ATP2B3: variants seen among roughly 807,000 people sequenced by gnomAD.
The protein encoded by ATP2B3 is ATPase plasma membrane Ca2+ transporting 3.
Under a neutral mutation model 70.8 loss-of-function variants are expected in ATP2B3, and 12 were observed. The observed-to-expected ratio is 0.17, with a 90% CI of 0.11 to 0.27. ATP2B3 has a LOEUF of 0.27. Ranked by LOEUF, ATP2B3 falls within the 10% of genes least tolerant of loss-of-function variation. ATP2B3 has a pLI of 1.00. For synonymous variants in ATP2B3, 460 were observed against 497.8 expected, an observed-to-expected ratio of 0.92 and a Z score of 1.01; for missense variants, 858 against 1,118.5, an observed-to-expected ratio of 0.77 and a Z score of 3.32.
In ATP2B3 at chrX:153,548,871, CA is replaced by C. The variant is rs2090411166; in HGVS notation, c.1338+18del. On this transcript the variant is annotated intron_variant, in intron 10 of 21. Transcript: ENST00000263519. ...TCTGTCAAGGTAATCATAAAACTTA[CA>C]GTTGATACTGTTTACAGACTCGGAA... The C allele has an allele frequency of 1.7e-6, 2 of 1,194,010 alleles. No homozygotes were observed. The highest frequency in any genetic ancestry group is 1.8e-5 in the African/African-American group (1 of 56,633).
At chrX:153,560,634 C>A (rs377506569) in intron 18 of ATP2B3, 42 bp from the exon 19 acceptor site, 19 of 1,186,177 alleles carry the variant, frequency 1.6e-5, no homozygotes, top group Non-Finnish European at 1.8e-5. Context: ...ATGCGTCATG[C>A]GCTGAGATGA....
intron 20 of ATP2B3, among the ~76,000 whole-genome samples, chrX:153,562,506 G>A (rs1343932877): frequency 8.9e-6 from 1 of 112,255 alleles, no homozygotes; most frequent in African/African-American, 3.2e-5. Flanking sequence ...GCCAAAAATT[G>A]CCCCTTCCAA....
Position 153,556,991 on chromosome X carries a change from G to A in ATP2B3, c.2401G>A (p.Ala801Thr). The A allele has an allele frequency of 8.4e-7, 1 of 1,191,606 alleles. No individual in the cohort carries two copies. Among genetic ancestry groups the A allele is most frequent in the South Asian group, 1.8e-5 (1 of 54,063 alleles). ...VTGDGTNDGPALKKADVGFAM... is the reference protein window; with the variant it reads ...VTGDGTNDGPTLKKADVGFAM... ...AGGGGATGGCACCAACGATGGGCCG[G>A]CCCTCAAGAAGGCGGACGTGGGCTT... is the stretch of plus-strand genomic sequence containing the variant. The change falls in exon 16 of 22, where the codon GCC becomes ACC. Residue 801 changes from alanine (A) to threonine (T), a missense_variant. Ala to Thr is a moderately conservative substitution (Grantham distance 58). Around this residue, in one of 5 missense-constraint regions of ATP2B3, gnomAD observed 50 missense variants for 106.7 expected, o/e 0.47. Transcript: ENST00000263519.
intron 21 of ATP2B3, among the ~76,000 whole-genome samples, chrX:153,567,665 T>C (rs1026866615): frequency 5.3e-5 from 6 of 112,186 alleles, no homozygotes; most frequent in Admixed American, 9.3e-5. Context: ...GTCCCATCGG[T>C]CAGAGTCTTA....
intron 3 of ATP2B3, among the ~76,000 whole-genome samples, chrX:153,537,733 C>T (rs945595044): frequency 1.8e-5 from 2 of 112,581 alleles, no homozygotes; most frequent in South Asian, 7.3e-4. Flanking sequence ...TGCCCAGCCC[C>T]CGAGGAGGCT....
At chrX:153,569,993 G>T in intron 21 of ATP2B3, 1 of 416,962 alleles carries the variant, frequency 2.4e-6, no homozygotes, top group Non-Finnish European at 4.1e-6. Flanking sequence ...TGCTTTGTTT[G>T]GTTTTTCGGT....
rs1019753151 is a variant in ATP2B3, at chrX:153,565,119, C to T, written c.3342+16C>T. The T allele has an allele frequency of 5.2e-6, 6 of 1,161,998 alleles. No individual in the cohort carries two copies. Among genetic ancestry groups the T allele is most frequent in the Non-Finnish European group, 6.9e-6 (6 of 870,610 alleles). On this transcript the variant is annotated intron_variant, in intron 21 of 21. Transcript: ENST00000263519. Reference sequence around the variant, plus strand: ...TCAGACGCAGGTAAGCCCCGACTCGCTCTCGCCCTGGCACTTCCACCCCAA... The same window carrying T: ...TCAGACGCAGGTAAGCCCCGACTCGTTCTCGCCCTGGCACTTCCACCCCAA...
chrX:153,567,743 A>T (rs2090730748), intron 21 of ATP2B3, among the ~76,000 whole-genome samples: 1 of 110,642 alleles, frequency 9.0e-6, no homozygotes, highest in South Asian at 3.8e-4. Context: ...TGTTTTGCGT[A>T]TGAGGAAACA....
At chrX:153,557,876 A>G (rs1557014446) in intron 16 of ATP2B3, among the ~76,000 whole-genome samples, 2 of 83,650 alleles carry the variant, frequency 2.4e-5, no homozygotes, top group African/African-American at 3.8e-5. Flanking sequence ...TGTGTTTATG[A>G]GCAAAGCCCC....
intron 13 of ATP2B3, among the ~76,000 whole-genome samples, chrX:153,554,095 C>T (rs1445993145): frequency 3.5e-5 from 4 of 113,845 alleles, no homozygotes; most frequent in Non-Finnish European, 7.5e-5. Context: ...AAAGACAGTG[C>T]GTCTAAACGC....
At position 153,553,272 on chromosome X, in the gene ATP2B3, A is replaced by ATTAT. The variant is rs1557012377; in HGVS notation, c.2058+3_2058+4insTTAT. Reference sequence around the variant, plus strand: ...TTGAGGACCCTGTGCGGCCCGAGGTAGCCACCACCTTCTCTGTGAGCTGCC... The same window carrying ATTAT: ...TTGAGGACCCTGTGCGGCCCGAGGTATTATGCCACCACCTTCTCTGTGAGCTGCC... On this transcript the variant is annotated splice_donor_region_variant and intron_variant, in intron 13 of 21. Transcript: ENST00000263519. The ATTAT allele has an allele frequency of 8.4e-7, 1 of 1,195,289 alleles. No individual in the cohort carries two copies. The highest frequency in any genetic ancestry group is 1.1e-6 in the Non-Finnish European group (1 of 883,134).
intron 21 of ATP2B3, among the ~76,000 whole-genome samples, chrX:153,578,570 G>A (rs370051833): frequency 9.1e-4 from 103 of 112,724 alleles, no homozygotes; most frequent in African/African-American, 3.2e-3. Flanking sequence ...GAGGAGGGAA[G>A]GGCTCGCTCC....
At chrX:153,551,212 C>G (rs73245898) in intron 12 of ATP2B3, among the ~76,000 whole-genome samples, 5,545 of 112,251 alleles carry the variant, frequency 0.049, 117 homozygotes, top group African/African-American at 0.071. Context: ...TTCTCCCCAT[C>G]TTCAACAGCA....
chrX:153,553,816 T>G (rs56402618), intron 13 of ATP2B3, among the ~76,000 whole-genome samples: 3,342 of 113,113 alleles, frequency 0.03, 58 homozygotes, highest in Non-Finnish European at 0.05. Flanking sequence ...GGGAAGTCAC[T>G]TTGTTGTTGA....
intron 21 of ATP2B3, among the ~76,000 whole-genome samples, chrX:153,573,146 G>T (rs946201754): frequency 8.9e-6 from 1 of 112,473 alleles, no homozygotes; most frequent in African/African-American, 3.2e-5. Flanking sequence ...TGGCCACCGG[G>T]GGTCCCTCCG....
At chrX:153,558,031 C>T (rs1425419298) in intron 16 of ATP2B3, 81 bp from the exon 17 acceptor site, 53 of 1,021,919 alleles carry the variant, frequency 5.2e-5, no homozygotes, top group Non-Finnish European at 6.2e-5. Context: ...GGAGCCAGCC[C>T]AGGCGGGCCA....
At chrX:153,549,285 C>T (rs1356727328) in intron 10 of ATP2B3, among the ~76,000 whole-genome samples, 6 of 109,481 alleles carry the variant, frequency 5.5e-5, no homozygotes, top group African/African-American at 1.7e-4. Flanking sequence ...GGGGAGGTCC[C>T]GGGTGCGCAT....
intron 2 of ATP2B3, among the ~76,000 whole-genome samples, chrX:153,531,818 G>A (rs60852762): frequency 3.6e-4 from 41 of 112,562 alleles, no homozygotes; most frequent in Admixed American, 1.0e-3. Context: ...AGGGGTGCTC[G>A]ACTGGGGTGC....
chrX:153,524,550 T>TAGGGGATAGTTTG (rs1255096282), intron 2 of ATP2B3, among the ~76,000 whole-genome samples: 1 of 111,716 alleles, frequency 9.0e-6, no homozygotes, highest in Admixed American at 9.5e-5. Flanking sequence ...AGATGTGTCT[T>TAGGGGATAGTTTG]AGGGGATAGT....
Sources: allele counts gnomAD v4.1 joint callset (sites outside exome capture counted in the v4.1 genomes callset), GRCh38; gene constraint gnomAD v4.1.1; regional missense constraint gnomAD v4.1.1; transcripts MANE v1.5; gene names NCBI Gene and HGNC (gene_info 2026-07-23, HGNC 2026-07-21).